KCNN2: variants seen among roughly 807,000 people sequenced by gnomAD.
The protein encoded by KCNN2 is small conductance calcium-activated potassium channel protein 2.
In KCNN2, 24 loss-of-function variants were observed where a neutral mutation model predicts 55.5. That is an observed-to-expected ratio of 0.43 (90% CI 0.31 to 0.61). KCNN2 has a LOEUF of 0.61. Ranked by LOEUF, KCNN2 falls within the 20% of genes least tolerant of loss-of-function variation. KCNN2 has a pLI of 0.08. For synonymous variants in KCNN2, 431 were observed against 336.1 expected (o/e 1.28, Z -3.09); for missense variants, 754 against 853.6 (o/e 0.88, Z 1.45).
At chr5:114,284,358 T>G (rs192837954) in intron 2 of KCNN2, among the ~76,000 whole-genome samples, 1 of 152,214 alleles carries the variant, frequency 6.6e-6, no homozygotes, top group Non-Finnish European at 1.5e-5. Flanking sequence ...ATTGGATTTT[T>G]AAAAAATTTC....
At chr5:114,248,672 T>C (rs1331537216) in intron 2 of KCNN2, among the ~76,000 whole-genome samples, 1 of 152,230 alleles carries the variant, frequency 6.6e-6, no homozygotes, top group African/African-American at 2.4e-5. Flanking sequence ...AAACATAATC[T>C]TTGAAATTAA....
intron 1 of KCNN2, among the ~76,000 whole-genome samples, chr5:114,102,194 CT>C (rs1041855524): frequency 3.1e-4 from 47 of 151,930 alleles, no homozygotes; most frequent in African/African-American, 1.1e-3. Flanking sequence ...TGATGATGAG[CT>C]TTTTTTCATG....
At chr5:114,079,392 A>T (rs1750752748) in intron 1 of KCNN2, among the ~76,000 whole-genome samples, 2 of 152,206 alleles carry the variant, frequency 1.3e-5, no homozygotes, top group Admixed American at 1.3e-4. Flanking sequence ...GATATAAAAT[A>T]TAATCAGGAT....
intron 2 of KCNN2, among the ~76,000 whole-genome samples, chr5:114,227,004 A>T (rs569122471): frequency 6.6e-6 from 1 of 152,108 alleles, no homozygotes; most frequent in East Asian, 1.9e-4. Context: ...TGGATTAAAT[A>T]GCAAAATACT....
chr5:114,346,769 C>A (rs1346162758), intron 2 of KCNN2, among the ~76,000 whole-genome samples: 149 of 135,972 alleles, frequency 1.1e-3, no homozygotes, highest in East Asian at 2.1e-3. Context: ...ATTCATTCTC[C>A]AAAAAAAAAA....
intron 1 of KCNN2, among the ~76,000 whole-genome samples, chr5:114,196,638 A>G (rs948809357): frequency 2.0e-5 from 3 of 151,982 alleles, no homozygotes; most frequent in Non-Finnish European, 4.4e-5. Flanking sequence ...ATTTGTTGGT[A>G]TATAGTTATT....
intron 3 of KCNN2, among the ~76,000 whole-genome samples, chr5:114,441,518 C>T (rs1760214166): frequency 1.3e-5 from 2 of 152,154 alleles, no homozygotes; most frequent in African/African-American, 4.8e-5. Context: ...GAAATCAAAA[C>T]TCCAGAAGTA....
At chr5:114,343,702 G>A (rs984930379) in intron 2 of KCNN2, among the ~76,000 whole-genome samples, 39 of 150,016 alleles carry the variant, frequency 2.6e-4, no homozygotes, top group African/African-American at 9.3e-4. Context: ...GGTGTGGGGG[G>A]AACAACATGG....
intron 1 of KCNN2, among the ~76,000 whole-genome samples, chr5:114,145,885 T>G (rs766573530): frequency 8.5e-5 from 13 of 152,134 alleles, no homozygotes; most frequent in Non-Finnish European, 1.6e-4. Context: ...GACTGGATTG[T>G]CTGTTGTAAA....
At chr5:114,158,804 T>C (rs2112527445) in intron 1 of KCNN2, among the ~76,000 whole-genome samples, 1 of 152,048 alleles carries the variant, frequency 6.6e-6, no homozygotes, top group African/African-American at 2.4e-5. Flanking sequence ...GCTCTCTGTT[T>C]GTCTGTTATT....
chr5:114,301,050 A>ATTT (rs1305632163), intron 2 of KCNN2, among the ~76,000 whole-genome samples: 20 of 7,008 alleles, frequency 2.9e-3, no homozygotes, highest in Non-Finnish European at 7.4e-3. Context: ...CCTTTATTAA[A>ATTT]TATTTTTTTT....
rs1297386941 is a variant in KCNN2 at position 114,362,183 on chromosome 5, A to G, written c.44A>G (p.Gln15Arg). Reference sequence around the variant, plus strand: ...TTCCAGCGCGGCTTCTTCCCAGAGCAGCCGCCGCCGCCGCCGCGCTCCTCA... The same window carrying G: ...TTCCAGCGCGGCTTCTTCCCAGAGCGGCCGCCGCCGCCGCCGCGCTCCTCA... ...LQFQRGFFPE[Q>R]PPPPPRSSHL... The change falls in exon 1 of 8, where the codon CAG becomes CGG. Residue 15 changes from glutamine (Q) to arginine (R), a missense_variant. Physicochemically the swap from Gln to Arg is conservative, Grantham distance 43. Transcript: ENST00000673685. The G allele has an allele frequency of 1.7e-5, 3 of 172,842 alleles. No homozygotes were observed. The highest frequency in any genetic ancestry group is 2.4e-5 in the Non-Finnish European group (2 of 82,928). The allele number at this position is 172,842 out of a possible 1,614,324, so 10.7% of individuals were successfully genotyped here. A position where few individuals can be genotyped will look rare whatever the true frequency, so the allele number is the denominator to read the frequency against.
chr5:114,281,549 A>G (rs1316494392), intron 2 of KCNN2, among the ~76,000 whole-genome samples: 1 of 134,114 alleles, frequency 7.5e-6, no homozygotes, highest in Non-Finnish European at 1.7e-5. Flanking sequence ...TAGGCTTGGT[A>G]GGAACTGCTT....
At chr5:114,096,504 A>C (rs1751258213) in intron 1 of KCNN2, among the ~76,000 whole-genome samples, 1 of 152,170 alleles carries the variant, frequency 6.6e-6, no homozygotes. Context: ...TGTACATCAC[A>C]GAGTCATTCC....
intron 1 of KCNN2, among the ~76,000 whole-genome samples, chr5:114,115,166 T>C (rs1751686152): frequency 6.6e-6 from 1 of 152,126 alleles, no homozygotes; most frequent in East Asian, 1.9e-4. Context: ...TAGTGATTAT[T>C]CCATATGATT....
intron 2 of KCNN2, among the ~76,000 whole-genome samples, chr5:114,240,340 AT>A (rs1250622094): frequency 6.6e-6 from 1 of 151,914 alleles, no homozygotes; most frequent in Non-Finnish European, 1.5e-5. Context: ...ATAGATGGAA[AT>A]TGCTTAGACA....
chr5:114,429,659 C>T (rs1398035327), intron 3 of KCNN2, among the ~76,000 whole-genome samples: 1 of 151,964 alleles, frequency 6.6e-6, no homozygotes, highest in African/African-American at 2.4e-5. Flanking sequence ...GGAGTTGTAT[C>T]TAAAAAGTTC....
intron 3 of KCNN2, among the ~76,000 whole-genome samples, chr5:114,430,357 T>G (rs1490869113): frequency 6.6e-6 from 1 of 152,138 alleles, no homozygotes; most frequent in Non-Finnish European, 1.5e-5. Context: ...ACAACTATTA[T>G]TCATTTATTT....
chr5:114,298,510 T>G (rs1215205698), intron 2 of KCNN2, among the ~76,000 whole-genome samples: 1 of 152,150 alleles, frequency 6.6e-6, no homozygotes, highest in Non-Finnish European at 1.5e-5. Flanking sequence ...TTTAGGTCAG[T>G]TTTCCAGACT....
Sources: gnomAD v4.1 joint callset for allele counts (sites outside exome capture counted in the v4.1 genomes callset) on GRCh38, gnomAD v4.1.1 for gene constraint, MANE v1.5 for transcripts, NCBI Gene and HGNC (gene_info 2026-07-23, HGNC 2026-07-21) for gene names.